The following SUCO variants were observed in gnomAD, a reference collection of about 807,000 sequenced individuals.
SUCO encodes SUN domain containing ossification factor, also known as SUN domain-containing ossification factor.
SUCO carries 57 observed loss-of-function variants against 148.1 expected under a neutral mutation model. The observed-to-expected ratio is 0.38, with a 90% CI of 0.31 to 0.48. SUCO has a LOEUF of 0.48. SUCO is among the 20% of genes least tolerant of loss of function. SUCO has a pLI of 0.96. For synonymous variants in SUCO, 470 were observed against 502.7 expected (o/e 0.93, Z 0.87); for missense variants, 1,331 against 1,468.2 (o/e 0.91, Z 1.53).
rs1558203316 is a variant in SUCO at position 172,588,995 on chromosome 1, T to C, written c.1894T>C (p.Tyr632His). Reference protein sequence around the residue: ...TICCISSFSEYIYKWCSVRVA... With the variant: ...TICCISSFSEHIYKWCSVRVA... ...TTGTTGTATTTCTAGTTTTTCAGAA[T>C]ACATATATAAATGGTGTTCAGTTAG... is the stretch of plus-strand genomic sequence containing the variant. The change falls in exon 18 of 24, where the codon TAC becomes CAC. Residue 632 changes from tyrosine to histidine, a missense_variant. Physicochemically the swap from Tyr to His is moderately conservative, Grantham distance 83 (BLOSUM62 2). Around this residue, in one of 3 missense-constraint regions of SUCO, gnomAD observed 992 missense variants for 1,093.5 expected, o/e 0.91. Transcript: ENST00000263688. The C allele has an allele frequency of 6.2e-7, 1 of 1,612,026 alleles. No individual in the cohort carries two copies. Among genetic ancestry groups the C allele is most frequent in the Non-Finnish European group, 8.5e-7 (1 of 1,179,048 alleles).
chr1:172,592,379 AG>A (rs1419952468), intron 19 of SUCO, among the ~76,000 whole-genome samples: 6 of 152,170 alleles, frequency 3.9e-5, no homozygotes, highest in African/African-American at 1.4e-4. Flanking sequence ...GGTATTGCCT[AG>A]GTTTTCTTCT....
chr1:172,607,596 T>A (rs968275963), intron 22 of SUCO, among the ~76,000 whole-genome samples: 5 of 151,820 alleles, frequency 3.3e-5, no homozygotes, highest in African/African-American at 1.2e-4. Flanking sequence ...ACTGTCCGGG[T>A]TCCCACTTTT....
chr1:172,538,535 A>AT (rs1442210725), intron 1 of SUCO, among the ~76,000 whole-genome samples: 1 of 152,076 alleles, frequency 6.6e-6, no homozygotes, highest in Non-Finnish European at 1.5e-5. Context: ...ATCTGGAGGA[A>AT]TTTTTTTGCT....
chr1:172,532,636 C>G, upstream of SUCO: 1 of 1,614,056 alleles, frequency 6.2e-7, no homozygotes, highest in Non-Finnish European at 8.5e-7. Context: ...AACAGTGCAA[C>G]AGTTCCAAAG....
At chr1:172,609,658 T>C in intron 23 of SUCO, 158 bp from the exon 24 acceptor site, 1 of 984,904 alleles carries the variant, frequency 1.0e-6, no homozygotes, top group Non-Finnish European at 1.2e-6. Context: ...TGCTAGTATC[T>C]ATATAGAACA....
Position 172,589,254 on chromosome 1 carries a change from C to G in SUCO, c.2153C>G (p.Ala718Gly). ...GACTTGGTGAATCACACTGTAGATG[C>G]AGTTGAACTTGAACCAAGCCATTCT... ...QDDLVNHTVD[A>G]VELEPSHSQT... The change falls in exon 18 of 24, where the codon GCA becomes GGA. Residue 718 changes from alanine (A) to glycine (G), a missense_variant. Ala to Gly is a moderately conservative substitution (Grantham distance 60). Transcript: ENST00000263688. 1 of 1,613,848 alleles carries G rather than the reference C, an allele frequency of 6.2e-7. No homozygotes were observed. Among genetic ancestry groups the G allele is most frequent in the Non-Finnish European group, 8.5e-7 (1 of 1,179,852 alleles).
At chr1:172,587,965 C>A (rs1041360340) in intron 17 of SUCO, 1 of 426,528 alleles carries the variant, frequency 2.3e-6, no homozygotes. Context: ...ATGCCACATA[C>A]ATACTCCACA....
intron 11 of SUCO, chr1:172,577,135 A>G (rs534340584): frequency 4.1e-5 from 14 of 343,570 alleles, no homozygotes; most frequent in Admixed American, 3.9e-4. Context: ...ATGTGCATAT[A>G]TATCAATATA....
At chr1:172,548,272 T>G (rs1653010111) in intron 1 of SUCO, among the ~76,000 whole-genome samples, 1 of 151,898 alleles carries the variant, frequency 6.6e-6, no homozygotes, top group African/African-American at 2.4e-5. Flanking sequence ...CCTCTGTGGT[T>G]GTTTTTTCTT....
In SUCO at chr1:172,542,728, G is replaced by A. The variant is rs184921700; in HGVS notation, c.63-8784G>A. Reference sequence around the variant, plus strand: ...AAAGGTTGGGGACCGCTGTCATAGAGGGAATCATTTTTGAAAGAGAACATT... The same window carrying A: ...AAAGGTTGGGGACCGCTGTCATAGAAGGAATCATTTTTGAAAGAGAACATT... On this transcript the variant is annotated intron_variant, in intron 1 of 23. Transcript: ENST00000263688. 20 of 985,334 alleles carry A rather than the reference G, an allele frequency of 2.0e-5. No homozygotes were observed. In the African/African-American group the frequency reaches 3.1e-4, roughly 15 times the overall value. 61.0% of individuals were successfully genotyped at this position (985,334 alleles called of 1,614,324 possible).
intron 2 of SUCO, 21 bp downstream of exon 2, chr1:172,551,647 AT>A: frequency 6.8e-7 from 1 of 1,474,782 alleles, no homozygotes. Flanking sequence ...TAAAGTTAAC[AT>A]TATAATTTGT....
At chr1:172,602,923 C>T in intron 22 of SUCO, 136 bp downstream of exon 22, 1 of 705,866 alleles carries the variant, frequency 1.4e-6, no homozygotes, top group South Asian at 2.0e-5. Flanking sequence ...TGTGCTGTGT[C>T]AAGCCACTTT....
chr1:172,591,015 G>A lies in SUCO; in HGVS notation c.2857G>A (p.Ala953Thr). 1 of 1,611,952 alleles carries A rather than the reference G, an allele frequency of 6.2e-7. No individual in the cohort carries two copies. Among genetic ancestry groups the A allele is most frequent in the Non-Finnish European group, 8.5e-7 (1 of 1,178,904 alleles). The change falls in exon 19 of 24, where the codon GCT (alanine) becomes ACT (threonine). Residue 953 changes from alanine to threonine, a missense_variant. Ala to Thr is a moderately conservative substitution (Grantham distance 58, BLOSUM62 0). Coordinates refer to ENST00000263688, the MANE Select transcript of SUCO (RefSeq NM_014283.5). The stretch of plus-strand genomic sequence containing the variant: ...AAAACAAATGGAAGAAATGCAAAAG[G>A]CTTTCAATAAAACAATCGTGAAACT... Reference protein sequence around the residue: ...YRKQMEEMQKAFNKTIVKLQN... With the variant: ...YRKQMEEMQKTFNKTIVKLQN...
upstream of SUCO, chr1:172,532,445 C>A: frequency 6.4e-7 from 1 of 1,561,084 alleles, no homozygotes; most frequent in Non-Finnish European, 8.7e-7. Flanking sequence ...GAAGAAAAAG[C>A]GAAAGGTTTT....
At chr1:172,588,539 T>C (rs1017622696) in intron 17 of SUCO, 1 of 985,036 alleles carries the variant, frequency 1.0e-6, no homozygotes. Flanking sequence ...GTTTGAGTCA[T>C]CTGGCTAGTC....
intron 1 of SUCO, among the ~76,000 whole-genome samples, chr1:172,547,982 A>G (rs1652988171): frequency 6.6e-6 from 1 of 152,018 alleles, no homozygotes; most frequent in Non-Finnish European, 1.5e-5. Flanking sequence ...AATATTAACA[A>G]TGGATTGATA....
chr1:172,592,888 A>G (rs1656775619), intron 19 of SUCO, among the ~76,000 whole-genome samples: 1 of 152,178 alleles, frequency 6.6e-6, no homozygotes, highest in Non-Finnish European at 1.5e-5. Flanking sequence ...TTTTCACGAT[A>G]TTGGTTCTTC....
intron 1 of SUCO, among the ~76,000 whole-genome samples, chr1:172,542,154 C>T (rs1378717022): frequency 3.3e-5 from 5 of 151,854 alleles, no homozygotes; most frequent in South Asian, 2.1e-4. Context: ...TCGAGGCAGG[C>T]GGATCACCTG....
chr1:172,559,027 A>T (rs996476631), intron 6 of SUCO, among the ~76,000 whole-genome samples: 2 of 152,234 alleles, frequency 1.3e-5, no homozygotes, highest in Non-Finnish European at 2.9e-5. Context: ...TGAGCACATT[A>T]TGAGTAATAG....
Sources: gnomAD v4.1 joint callset for allele counts (sites outside exome capture counted in the v4.1 genomes callset) on GRCh38, gnomAD v4.1.1 for gene constraint, gnomAD v4.1.1 regional missense constraint, MANE v1.5 for transcripts, NCBI Gene and HGNC (gene_info 2026-07-23, HGNC 2026-07-21) for gene names.